PPP2R3A: variants seen among roughly 807,000 people sequenced by gnomAD.
PPP2R3A encodes the protein protein phosphatase 2 regulatory subunit B''alpha, also known as serine/threonine-protein phosphatase 2A regulatory subunit B'' subunit alpha.
Under a neutral mutation model 106.9 loss-of-function variants are expected in PPP2R3A, and 80 were observed. The observed-to-expected ratio is 0.75, with a 90% CI of 0.62 to 0.90. PPP2R3A has a LOEUF of 0.90. Among genes scored for constraint, PPP2R3A ranks in the 40% least tolerant of loss-of-function variants. The probability of loss-of-function intolerance (pLI) is 0.00; values close to 1 mark genes in which losing one functional copy is unlikely to be tolerated. For synonymous variants in PPP2R3A, 483 were observed against 468.3 expected, an observed-to-expected ratio of 1.03 and a Z score of -0.41; for missense variants, 1,386 against 1,350.4, an observed-to-expected ratio of 1.03 and a Z score of -0.41.
chr3:136,143,450 C>G (rs1282597339), intron 13 of PPP2R3A, among the ~76,000 whole-genome samples: 1 of 151,970 alleles, frequency 6.6e-6, no homozygotes. Flanking sequence ...AAGATCATGC[C>G]ACTGCACTCC....
At chr3:136,132,062 TA>T (rs1938448730) in intron 13 of PPP2R3A, among the ~76,000 whole-genome samples, 3 of 152,064 alleles carry the variant, frequency 2.0e-5, no homozygotes, top group South Asian at 2.1e-4. Flanking sequence ...ATACCTAATG[TA>T]AATGATGAGT....
chr3:136,107,053 T>A (rs1408100905), intron 13 of PPP2R3A: 2 of 151,926 alleles, frequency 1.3e-5, no homozygotes, highest in East Asian at 3.8e-4. Flanking sequence ...GTATTTCTAC[T>A]AGTCAGGGCA....
chr3:136,007,523 C>G (rs944025876), intron 2 of PPP2R3A, among the ~76,000 whole-genome samples: 2 of 152,154 alleles, frequency 1.3e-5, no homozygotes, highest in African/African-American at 4.8e-5. Context: ...AACGACAGTA[C>G]CCTAGGAAGG....
intron 13 of PPP2R3A, among the ~76,000 whole-genome samples, chr3:136,120,520 G>A (rs1360627771): frequency 3.9e-5 from 6 of 152,024 alleles, no homozygotes; most frequent in South Asian, 2.1e-4. Context: ...CTTGGGAGGC[G>A]GAGGTTGCAG....
rs1200349239 is a variant in PPP2R3A at position 136,136,061 on chromosome 3, AAAAAAAAAAAAATTATATAT to A, written c.3330-8980_3330-8961del. On this transcript the variant is annotated intron_variant, in intron 13 of 13. Coordinates refer to ENST00000264977, the MANE Select transcript of PPP2R3A (RefSeq NM_002718.5). Reference sequence around the variant, plus strand: ...ACTCCGTCTCAAAAAAAAAAAAAAAAAAAAAAAAAAAATTATATATATATATATATATAAAAAACATCATG... The same window carrying A: ...ACTCCGTCTCAAAAAAAAAAAAAAAAATATATATATATAAAAAACATCATG... Among the ~76,000 whole-genome samples, 110 of 47,324 alleles carry A rather than the reference AAAAAAAAAAAAATTATATAT, an allele frequency of 2.3e-3. 6 individuals are homozygous for A. The East Asian group carries it at 0.025, about 11-fold the overall frequency. The allele number at this position is 47,324 out of a possible 152,430, so 31.0% of individuals were successfully genotyped here.
At position 136,145,563 on chromosome 3, in the gene PPP2R3A, G is replaced by C. The variant is rs1385164399; in HGVS notation, c.*397G>C. 6.5e-6 allele frequency: 1 copy of C among 153,056 alleles called. No homozygotes were observed. The highest frequency in any genetic ancestry group is 6.5e-5 in the Admixed American group (1 of 15,298). 9.5% of individuals were successfully genotyped at this position (153,056 alleles called of 1,614,324 possible). On this transcript the variant is annotated 3_prime_UTR_variant, in exon 14 of 14. Transcript: ENST00000264977. Reference sequence around the variant, plus strand: ...AGCCTAGAAGAAACCTTCACTTGCAGAAAACTTGAGTCAGAAAATTCTGGA... The same window carrying C: ...AGCCTAGAAGAAACCTTCACTTGCACAAAACTTGAGTCAGAAAATTCTGGA...
chr3:136,019,633 T>C lies in PPP2R3A; in HGVS notation c.1996-7199T>C, dbSNP rs551920093. On this transcript the variant is annotated intron_variant, in intron 2 of 13. Coordinates refer to ENST00000264977, the MANE Select transcript of PPP2R3A (RefSeq NM_002718.5). The stretch of plus-strand genomic sequence containing the variant: ...CTTGAAACTAACTCGTGTTCTCAGA[T>C]CCTCTCAGAAACCAAGCATATATAC... Among the ~76,000 whole-genome samples the C allele has an allele frequency of 3.3e-5, 5 of 152,272 alleles. 1 individual carries two copies. The South Asian group carries it at 1.0e-3, about 32-fold the overall frequency.
At chr3:136,122,854 C>G (rs2108003330) in intron 13 of PPP2R3A, among the ~76,000 whole-genome samples, 1 of 152,234 alleles carries the variant, frequency 6.6e-6, no homozygotes, top group East Asian at 1.9e-4. Flanking sequence ...AGGACTGGAA[C>G]ATTAGTTTAT....
Position 136,040,957 on chromosome 3 carries a change from G to C in PPP2R3A, c.2361G>C (p.Trp787Cys), listed in dbSNP as rs1576455214. 1 of 1,612,690 alleles carries C rather than the reference G, an allele frequency of 6.2e-7. No homozygotes were observed. Among genetic ancestry groups the C allele is most frequent in the Non-Finnish European group, 8.5e-7 (1 of 1,179,348 alleles). Reference protein sequence around the residue: ...FVTAQSFIAMWRKLLNNHHDD... With the variant: ...FVTAQSFIAMCRKLLNNHHDD... ...CAGCACAGTCATTCATTGCCATGTG[G>C]AGAAAGTAAGTATGTGAGCAGTCTC... The change falls in exon 4 of 14, where the codon TGG becomes TGC. Residue 787 changes from tryptophan to cysteine, a missense_variant. Trp to Cys is a radical substitution (Grantham distance 215, BLOSUM62 -2). Coordinates refer to ENST00000264977, the MANE Select transcript of PPP2R3A (RefSeq NM_002718.5).
chr3:136,064,973 A>G (rs923570985), intron 5 of PPP2R3A, among the ~76,000 whole-genome samples: 1 of 152,238 alleles, frequency 6.6e-6, no homozygotes, highest in Non-Finnish European at 1.5e-5. Context: ...AAAAACCTGC[A>G]CAACATAAAA....
At chr3:136,010,949 A>G (rs1312355405) in intron 2 of PPP2R3A, among the ~76,000 whole-genome samples, 1 of 152,180 alleles carries the variant, frequency 6.6e-6, no homozygotes, top group Non-Finnish European at 1.5e-5. Context: ...AGTTGAGTTA[A>G]CACTCATTTG....
chr3:136,073,458 T>A (rs1936502827), intron 6 of PPP2R3A, among the ~76,000 whole-genome samples: 1 of 152,260 alleles, frequency 6.6e-6, no homozygotes, highest in African/African-American at 2.4e-5. Context: ...TAACTTTACA[T>A]TTGTTAAATT....
At chr3:136,053,359 T>C (rs1456579027) in intron 5 of PPP2R3A, among the ~76,000 whole-genome samples, 1 of 150,654 alleles carries the variant, frequency 6.6e-6, no homozygotes, top group African/African-American at 2.4e-5. Flanking sequence ...TTTATATGGA[T>C]CAAAAAAAAA....
At chr3:136,141,796 CAAG>C (rs1203645018) in intron 13 of PPP2R3A, among the ~76,000 whole-genome samples, 1 of 152,130 alleles carries the variant, frequency 6.6e-6, no homozygotes, top group Non-Finnish European at 1.5e-5. Flanking sequence ...GTAATCCAAA[CAAG>C]AAAGTATGGT....
chr3:136,019,754 G>A (rs554342364), intron 2 of PPP2R3A, among the ~76,000 whole-genome samples: 1 of 152,228 alleles, frequency 6.6e-6, no homozygotes, highest in East Asian at 1.9e-4. Context: ...CCACAGACCA[G>A]TTCTTTTCTA....
At chr3:136,054,772 T>A (rs1008126162) in intron 5 of PPP2R3A, among the ~76,000 whole-genome samples, 2 of 152,222 alleles carry the variant, frequency 1.3e-5, no homozygotes, top group African/African-American at 4.8e-5. Flanking sequence ...CAGTCTTAGG[T>A]AAATGGTAAA....
Position 136,009,625 on chromosome 3 carries a change from C to T in PPP2R3A, c.1995+6132C>T, listed in dbSNP as rs150846042. On this transcript the variant is annotated intron_variant, in intron 2 of 13. Coordinates refer to ENST00000264977, the MANE Select transcript of PPP2R3A (RefSeq NM_002718.5). ...TAATACTGTTAGCATTACCTGGACA[C>T]TTGATAGAAATGCATATTCTCCTAC... is the stretch of plus-strand genomic sequence containing the variant. Among the ~76,000 whole-genome samples, 47 of 152,186 alleles carry T rather than the reference C, an allele frequency of 3.1e-4. 1 individual carries two copies. The highest frequency in any genetic ancestry group is 1.1e-3 in the African/African-American group (47 of 41,532).
At chr3:135,969,388 A>G (rs1215610734) in intron 1 of PPP2R3A, among the ~76,000 whole-genome samples, 1 of 152,190 alleles carries the variant, frequency 6.6e-6, no homozygotes, top group Non-Finnish European at 1.5e-5. Context: ...AAGGGTTGAG[A>G]GGGAGAAATG....
chr3:136,042,362 G>A (rs762824369), intron 4 of PPP2R3A, among the ~76,000 whole-genome samples: 18 of 152,192 alleles, frequency 1.2e-4, no homozygotes, highest in Non-Finnish European at 2.6e-4. Flanking sequence ...GGAAGGGAGA[G>A]CATTAGGAAA....
Sources: gnomAD v4.1 joint callset for allele counts (sites outside exome capture counted in the v4.1 genomes callset) on GRCh38, gnomAD v4.1.1 for gene constraint, MANE v1.5 for transcripts, NCBI Gene and HGNC (gene_info 2026-07-23, HGNC 2026-07-21) for gene names.